Variants in PCNT observed in about 807,000 individuals in gnomAD.
The protein encoded by PCNT is pericentrin.
PCNT carries 319 observed loss-of-function variants against 380.4 expected under a neutral mutation model. The ratio of observed to expected loss-of-function variants is 0.84; its 90% CI spans 0.77 to 0.92. The LOEUF (loss-of-function observed/expected upper bound fraction) is 0.92. PCNT is among the 40% of genes least tolerant of loss of function. The pLI, the probability that PCNT is intolerant of heterozygous loss-of-function variation, is 0.00. For synonymous variants in PCNT, 1,845 were observed against 1,735.2 expected (o/e 1.06, Z -1.57); for missense variants, 4,400 against 4,255.3 (o/e 1.03, Z -0.95).
chr21:46,342,457 G>A (rs1245513003), intron 3 of PCNT, among the ~76,000 whole-genome samples: 1 of 151,852 alleles, frequency 6.6e-6, no homozygotes, highest in Non-Finnish European at 1.5e-5. Context: ...CCCACCAGCA[G>A]TGCAAAGGTT....
intron 2 of PCNT, 104 bp downstream of exon 2, chr21:46,326,693 T>C (rs1226770169): frequency 1.6e-6 from 2 of 1,236,546 alleles, no homozygotes; most frequent in African/African-American, 3.0e-5. Flanking sequence ...CTTTCAAAAG[T>C]GAGGAAAGAG....
intron 6 of PCNT, among the ~76,000 whole-genome samples, chr21:46,347,852 G>A (rs769086188): frequency 2.0e-5 from 3 of 152,328 alleles, no homozygotes; most frequent in Non-Finnish European, 2.9e-5. Flanking sequence ...AGTGCATGGG[G>A]TGTGGGTGCT....
chr21:46,345,941 C>T (rs552212105), intron 3 of PCNT, among the ~76,000 whole-genome samples, 187 bp from the exon 4 acceptor site: 1 of 152,330 alleles, frequency 6.6e-6, no homozygotes, highest in African/African-American at 2.4e-5. Flanking sequence ...TGGCAGCCCA[C>T]GTTTGTTCAA....
chr21:46,387,058 G>T (rs556449502), intron 17 of PCNT, among the ~76,000 whole-genome samples: 10 of 152,118 alleles, frequency 6.6e-5, no homozygotes, highest in African/African-American at 2.4e-4. Context: ...CCCACTCGAG[G>T]CCTCTGGGTT....
chr21:46,397,148 T>G (rs1042107532), intron 21 of PCNT, 117 bp from the exon 22 acceptor site: 1 of 822,700 alleles, frequency 1.2e-6, no homozygotes, highest in African/African-American at 1.7e-5. Flanking sequence ...TACCCCGAAT[T>G]GAAGTGACTT....
chr21:46,373,749 T>TTTTGGG (rs374962143), intron 15 of PCNT, among the ~76,000 whole-genome samples: 1 of 81,194 alleles, frequency 1.2e-5, no homozygotes, highest in African/African-American at 6.8e-5. Context: ...TTTTTTTTTT[T>TTTTGGG]GGGCGGAGTC....
chr21:46,411,321 C>T lies in PCNT; in HGVS notation c.5248C>T (p.Gln1750Ter), dbSNP rs1287604860. 1.9e-6 allele frequency: 3 copies of T among 1,614,220 alleles called. No homozygotes were observed. The highest frequency in any genetic ancestry group is 3.3e-5 in the Admixed American group (2 of 60,036). ...ACTCCATGAAGTCATTGAGAAGCTGCAGCACGAGCTGTCCCTCATGGGGCC... is the reference window on the plus strand; with the variant it reads ...ACTCCATGAAGTCATTGAGAAGCTGTAGCACGAGCTGTCCCTCATGGGGCC... ...EQLHEVIEKL[Q>*]HELSLMGPVV... Residue 1750 changes from glutamine to a stop codon, truncating the protein, a stop_gained, in exon 28 of 47, where the codon CAG becomes TAG. Coordinates refer to ENST00000359568, the MANE Select transcript of PCNT (RefSeq NM_006031.6). LOFTEE classifies it high-confidence loss of function.
intron 27 of PCNT, among the ~76,000 whole-genome samples, chr21:46,406,200 C>T (rs1415115100): frequency 6.6e-6 from 1 of 152,294 alleles, no homozygotes; most frequent in African/African-American, 2.4e-5. Context: ...TCTGTACTGC[C>T]GTCCTCCGGG....
At chr21:46,346,669 C>T in intron 4 of PCNT, 74 bp from the exon 5 acceptor site, 5 of 1,511,414 alleles carry the variant, frequency 3.3e-6, no homozygotes, top group Non-Finnish European at 4.5e-6. Context: ...CATTCTCATT[C>T]ATGCTTCTGT....
chr21:46,372,340 CAT>C (rs1343052349), intron 15 of PCNT, among the ~76,000 whole-genome samples: 3 of 151,970 alleles, frequency 2.0e-5, no homozygotes, highest in African/African-American at 7.3e-5. Context: ...CGTGCACACA[CAT>C]GCACACGTGC....
intron 13 of PCNT, among the ~76,000 whole-genome samples, chr21:46,357,550 C>T (rs1371521592): frequency 1.3e-5 from 2 of 152,174 alleles, no homozygotes; most frequent in Non-Finnish European, 2.9e-5. Context: ...CAAGTGGTCC[C>T]CTGATAGCTG....
In PCNT at chr21:46,411,573, C is replaced by T. The variant is rs765703780; in HGVS notation, c.5500C>T (p.Gln1834Ter). 1.2e-6 allele frequency: 2 copies of T among 1,612,716 alleles called. No homozygotes were observed. The highest frequency in any genetic ancestry group is 1.3e-5 in the African/African-American group (1 of 74,922). ...GGGCGCAGAGGAGGCTGCGGAGCTA[C>T]AGCTGGCTGAGCTGGAGCGCAATGT... is the stretch of plus-strand genomic sequence containing the variant. Reference protein sequence around the residue: ...LQGAEEAAELQLAELERNVAL... With the variant: ...LQGAEEAAEL The change falls in exon 28 of 47, where the codon CAG (glutamine) becomes TAG (stop). Residue 1834 changes from glutamine to a stop codon, truncating the protein, a stop_gained. Transcript: ENST00000359568. LOFTEE classifies it high-confidence loss of function.
At chr21:46,371,233 T>C (rs947808758) in intron 15 of PCNT, among the ~76,000 whole-genome samples, 2 of 148,946 alleles carry the variant, frequency 1.3e-5, no homozygotes, top group Admixed American at 1.3e-4. Context: ...TTTTTTTTTT[T>C]AAAGACGGAG....
At chr21:46,377,738 C>T (rs1349110755) in intron 15 of PCNT, among the ~76,000 whole-genome samples, 1 of 152,140 alleles carries the variant, frequency 6.6e-6, no homozygotes, top group Non-Finnish European at 1.5e-5. Flanking sequence ...GTTCCAGCTA[C>T]TCAGAGGCTG....
chr21:46,436,261 T>A (rs946335466), intron 39 of PCNT, 113 bp downstream of exon 39: 4 of 1,224,948 alleles, frequency 3.3e-6, no homozygotes, highest in Non-Finnish European at 2.3e-6. Flanking sequence ...CCTTTGCACT[T>A]AACGCTCTAG....
At chr21:46,335,333 G>A (rs1382087588) in intron 3 of PCNT, among the ~76,000 whole-genome samples, 1 of 152,150 alleles carries the variant, frequency 6.6e-6, no homozygotes, top group African/African-American at 2.4e-5. Context: ...TTATTGACAT[G>A]TTTTTTGTTA....
Position 46,411,969 on chromosome 21 carries a change from C to T in PCNT, c.5896C>T (p.Pro1966Ser). Reference protein sequence around the residue: ...TAHTRVPGAHPQPRMDGGAKA... With the variant: ...TAHTRVPGAHSQPRMDGGAKA... ...TCACACACGGGTGCCCGGGGCCCAC[C>T]CACAGCCTCGCATGGATGGTGGCGC... Residue 1966 changes from proline (P) to serine (S), a missense_variant, in exon 28 of 47, where the codon CCA (proline) becomes TCA (serine). Transcript: ENST00000359568. The T allele has an allele frequency of 6.2e-7, 1 of 1,601,576 alleles. No homozygotes were observed. The highest frequency in any genetic ancestry group is 8.5e-7 in the Non-Finnish European group (1 of 1,179,596).
rs752543421 is a variant in PCNT, at chr21:46,427,719, AG to A, written c.7419del (p.Gln2473HisfsTer58). On this transcript the variant is annotated frameshift_variant, in exon 34 of 47. Transcript: ENST00000359568. LOFTEE classifies it high-confidence loss of function. Reference protein sequence around the residue: ...KEQEMQGVELQPRLSGSDLGG... With the variant: ...KEQEMQGVELXPRLSGSDLGG... ...CAGGAGATGCAGGGGGTTGAGCTGC[AG>A]CCCCGACTCAGTGGCTCAGATCTGG... 6.2e-7 allele frequency: 1 copy of A among 1,613,852 alleles called. No homozygotes were observed. Among genetic ancestry groups the A allele is most frequent in the Non-Finnish European group, 8.5e-7 (1 of 1,180,010 alleles).
At chr21:46,368,211 C>A (rs1243449454) in intron 15 of PCNT, among the ~76,000 whole-genome samples, 1 of 151,894 alleles carries the variant, frequency 6.6e-6, no homozygotes, top group African/African-American at 2.4e-5. Context: ...TTTGGGAGGC[C>A]AAGGCGGGCA....
Sources: allele counts gnomAD v4.1 joint callset (sites outside exome capture counted in the v4.1 genomes callset), GRCh38; gene constraint gnomAD v4.1.1; transcripts MANE v1.5; gene names NCBI Gene and HGNC (gene_info 2026-07-23, HGNC 2026-07-21).